Variants in CSMD1 observed in about 807,000 individuals in gnomAD.
The protein encoded by CSMD1 is CUB and Sushi multiple domains 1.
CSMD1 carries 213 observed loss-of-function variants against 417.5 expected under a neutral mutation model. That is an observed-to-expected ratio of 0.51 (90% CI 0.46 to 0.57). The LOEUF (loss-of-function observed/expected upper bound fraction) is 0.57, where lower values mean the gene tolerates loss of function less well. Among genes scored for constraint, CSMD1 ranks in the 20% least tolerant of loss-of-function variants. The pLI, the probability that CSMD1 is intolerant of heterozygous loss-of-function variation, is 0.00. For synonymous variants in CSMD1, 2,862 were observed against 1,736.8 expected, an observed-to-expected ratio of 1.65 and a Z score of -16.11; for missense variants, 6,923 against 4,529.7, an observed-to-expected ratio of 1.53 and a Z score of -15.17.
chr8:3,778,247 G>T (rs907755782), intron 5 of CSMD1, among the ~76,000 whole-genome samples: 1 of 152,202 alleles, frequency 6.6e-6, no homozygotes, highest in East Asian at 1.9e-4. Flanking sequence ...TTTCTGCTCT[G>T]ACATTTGCTA....
intron 43 of CSMD1, 80 bp downstream of exon 43, chr8:3,110,078 T>A: frequency 8.7e-7 from 1 of 1,149,618 alleles, no homozygotes; most frequent in Non-Finnish European, 1.2e-6. Context: ...ATATGTGCCT[T>A]GTATATAAGT....
intron 56 of CSMD1, 87 bp from the exon 57 acceptor site, chr8:2,973,386 T>C: frequency 7.5e-7 from 1 of 1,338,144 alleles, no homozygotes; most frequent in South Asian, 1.4e-5. Flanking sequence ...AATGAAAAGT[T>C]GTTGAAATTT....
intron 25 of CSMD1, among the ~76,000 whole-genome samples, chr8:3,291,638 T>C (rs1393039379): frequency 1.3e-5 from 2 of 152,216 alleles, no homozygotes; most frequent in Non-Finnish European, 2.9e-5. Context: ...TATTCTCTGA[T>C]GGTAGTTTGT....
intron 1 of CSMD1, among the ~76,000 whole-genome samples, chr8:4,825,797 A>AG (rs1563509194): frequency 2.4e-5 from 3 of 127,016 alleles, no homozygotes; most frequent in African/African-American, 9.9e-5. Flanking sequence ...AAAAAAAAAG[A>AG]AAAAAAAAAG....
chr8:4,119,551 C>T (rs924238531), intron 3 of CSMD1, among the ~76,000 whole-genome samples: 24 of 151,116 alleles, frequency 1.6e-4, no homozygotes, highest in Admixed American at 8.6e-4. Context: ...TTAGATGAGG[C>T]CTTAAGGGTG....
At chr8:4,678,098 C>G (rs868336475) in intron 1 of CSMD1, among the ~76,000 whole-genome samples, 48 of 152,188 alleles carry the variant, frequency 3.2e-4, no homozygotes, top group Middle Eastern at 3.4e-3. Context: ...TCTTATCAAG[C>G]TGGAAGGAGC....
intron 33 of CSMD1, among the ~76,000 whole-genome samples, chr8:3,195,363 C>T (rs551775582): frequency 1.6e-4 from 24 of 152,244 alleles, no homozygotes; most frequent in Admixed American, 1.3e-3. Context: ...CCTCTGTTTT[C>T]AGGCGGATTG....
intron 3 of CSMD1, among the ~76,000 whole-genome samples, chr8:4,084,926 A>G (rs1800340577): frequency 6.6e-6 from 1 of 152,172 alleles, no homozygotes; most frequent in African/African-American, 2.4e-5. Flanking sequence ...ACAAAACTAC[A>G]AAAATTGGTA....
chr8:4,861,564 A>G (rs888649865), intron 1 of CSMD1, among the ~76,000 whole-genome samples: 2 of 152,178 alleles, frequency 1.3e-5, no homozygotes, highest in African/African-American at 2.4e-5. Context: ...AGAAAAATGC[A>G]AACACTATTT....
At chr8:4,530,295 GT>G (rs915588726) in intron 2 of CSMD1, among the ~76,000 whole-genome samples, 23 of 106,278 alleles carry the variant, frequency 2.2e-4, no homozygotes, top group Middle Eastern at 7.2e-3. Flanking sequence ...ATTGTTCACA[GT>G]TTATCGTACA....
chr8:3,294,477 C>T (rs1803813795), intron 25 of CSMD1, among the ~76,000 whole-genome samples: 1 of 152,192 alleles, frequency 6.6e-6, no homozygotes, highest in East Asian at 1.9e-4. Context: ...CCACCCAGTT[C>T]AAGCTTCTGG....
At chr8:3,616,265 C>A (rs776109151) in intron 8 of CSMD1, among the ~76,000 whole-genome samples, 1 of 152,150 alleles carries the variant, frequency 6.6e-6, no homozygotes, top group Non-Finnish European at 1.5e-5. Flanking sequence ...TACCCTCATG[C>A]TGTTCTCATG....
chr8:3,387,485 T>C lies in CSMD1; in HGVS notation c.2782+9A>G, dbSNP rs1401971481. Reference sequence around the variant, plus strand: ...CTGCTGGTGCATTGCCTCACTGAGCTGTACCTACCGTCGCAGCTGGGCAAG... The same window carrying C: ...CTGCTGGTGCATTGCCTCACTGAGCCGTACCTACCGTCGCAGCTGGGCAAG... On this transcript the variant is annotated intron_variant, in intron 18 of 69. Coordinates refer to ENST00000635120, the MANE Select transcript of CSMD1 (RefSeq NM_033225.6). The C allele has an allele frequency of 1.3e-6, 2 of 1,591,208 alleles. No homozygotes were observed. Among genetic ancestry groups the C allele is most frequent in the Non-Finnish European group, 1.7e-6 (2 of 1,168,572 alleles).
intron 3 of CSMD1, among the ~76,000 whole-genome samples, chr8:4,050,435 T>C (rs1382561729): frequency 2.0e-5 from 3 of 152,188 alleles, no homozygotes; most frequent in Non-Finnish European, 2.9e-5. Flanking sequence ...TTTGCATATA[T>C]ACATACTTAT....
intron 1 of CSMD1, among the ~76,000 whole-genome samples, chr8:4,891,095 G>C (rs1804091834): frequency 6.6e-6 from 1 of 152,078 alleles, no homozygotes; most frequent in South Asian, 2.1e-4. Flanking sequence ...TTCCAGCTTT[G>C]GAACTAGCAA....
intron 3 of CSMD1, among the ~76,000 whole-genome samples, chr8:4,398,660 G>A (rs1215642019): frequency 6.6e-6 from 1 of 152,058 alleles, no homozygotes; most frequent in Non-Finnish European, 1.5e-5. Context: ...CTCCCAAAGT[G>A]CTGGGATTAC....
At chr8:4,349,270 A>T (rs1800950707) in intron 3 of CSMD1, among the ~76,000 whole-genome samples, 1 of 152,188 alleles carries the variant, frequency 6.6e-6, no homozygotes, top group Admixed American at 6.5e-5. Flanking sequence ...AGTGGTTTTC[A>T]AAAACAATTT....
At chr8:4,361,756 C>A (rs990548470) in intron 3 of CSMD1, among the ~76,000 whole-genome samples, 1 of 151,576 alleles carries the variant, frequency 6.6e-6, no homozygotes, top group Non-Finnish European at 1.5e-5. Flanking sequence ...GAGATCGAGA[C>A]CATCCTGGCT....
intron 2 of CSMD1, among the ~76,000 whole-genome samples, chr8:4,566,342 C>T (rs1798604300): frequency 6.6e-6 from 1 of 151,992 alleles, no homozygotes; most frequent in Admixed American, 6.5e-5. Context: ...TGACAAGAGT[C>T]CATGAAAATG....
Sources: gnomAD v4.1 joint callset for allele counts (sites outside exome capture counted in the v4.1 genomes callset) on GRCh38, gnomAD v4.1.1 for gene constraint, MANE v1.5 for transcripts, NCBI Gene and HGNC (gene_info 2026-07-23, HGNC 2026-07-21) for gene names.